BMPR2: variants seen among roughly 807,000 people sequenced by gnomAD.
BMPR2 encodes bone morphogenetic protein receptor type 2.
A neutral mutation model predicts 100.8 loss-of-function variants in BMPR2; 29 were observed. The observed-to-expected ratio is 0.29, with a 90% CI of 0.21 to 0.39. The LOEUF is 0.39. Among genes scored for constraint, BMPR2 ranks in the 10% least tolerant of loss-of-function variants. The probability of loss-of-function intolerance (pLI) is 1.00; values close to 1 mark genes in which losing one functional copy is unlikely to be tolerated. For synonymous variants in BMPR2, 382 were observed against 442.3 expected (o/e 0.86, Z 1.71); for missense variants, 1,011 against 1,274.5 (o/e 0.79, Z 3.15).
At chr2:202,418,943 C>T (rs930275737) in intron 1 of BMPR2, among the ~76,000 whole-genome samples, 1 of 152,152 alleles carries the variant, frequency 6.6e-6, no homozygotes, top group Non-Finnish European at 1.5e-5. Flanking sequence ...GGCAAATAAA[C>T]ATATTTGGGG....
intron 3 of BMPR2, among the ~76,000 whole-genome samples, chr2:202,474,184 G>T (rs1382509120): frequency 2.0e-5 from 3 of 150,066 alleles, no homozygotes; most frequent in African/African-American, 4.9e-5. Context: ...CGCCGGGCAC[G>T]GTGGCTCACA....
intron 6 of BMPR2, among the ~76,000 whole-genome samples, chr2:202,519,486 A>G (rs967179025): frequency 1.3e-5 from 2 of 152,276 alleles, no homozygotes; most frequent in African/African-American, 4.8e-5. Context: ...CTGCAATGAA[A>G]TAAGGATCTC....
In BMPR2 at chr2:202,437,866, A is replaced by G. The variant is rs981496223; in HGVS notation, c.77-26943A>G. Among the ~76,000 whole-genome samples the G allele has an allele frequency of 4.0e-5, 6 of 150,576 alleles. 1 individual carries two copies. Among genetic ancestry groups the G allele is most frequent in the African/African-American group, 1.0e-4 (4 of 39,948 alleles). On this transcript the variant is annotated intron_variant, in intron 1 of 12. Transcript: ENST00000374580. ...CTGCATTTCCTTTATCCTTTCATCA[A>G]TTGATGGACATGCGGTTGTTTCCAC...
intron 3 of BMPR2, among the ~76,000 whole-genome samples, chr2:202,496,857 C>T (rs953662881): frequency 6.6e-6 from 1 of 152,240 alleles, no homozygotes; most frequent in Non-Finnish European, 1.5e-5. Flanking sequence ...GAGCCACTTT[C>T]TGGGCTGGCC....
Position 202,556,386 on chromosome 2 carries a change from C to T in BMPR2, c.2721C>T (p.Ser907=), listed in dbSNP as rs756764327. Reference sequence around the variant, plus strand: ...GAACTAATTCCAATAACAACAACAGCAATCCATGTTCAGAACAAGATGTTC... The same window carrying T: ...GAACTAATTCCAATAACAACAACAGTAATCCATGTTCAGAACAAGATGTTC... ...GGRTNSNNNN[S]NPCSEQDVLA... is the part of the protein sequence containing the mutation. The change falls in exon 12 of 13, where the codon AGC becomes AGT. Residue 907 remains serine (S), a synonymous_variant. Transcript: ENST00000374580. The T allele has an allele frequency of 6.8e-6, 11 of 1,614,068 alleles. No individual in the cohort carries two copies. Among genetic ancestry groups the T allele is most frequent in the Non-Finnish European group, 2.5e-6 (3 of 1,180,060 alleles).
intron 5 of BMPR2, among the ~76,000 whole-genome samples, chr2:202,517,097 G>A (rs1030027846): frequency 2.6e-5 from 4 of 151,882 alleles, no homozygotes; most frequent in African/African-American, 9.7e-5. Context: ...GCACGCGCCT[G>A]TAATCCTAGC....
At chr2:202,399,209 G>A (rs761104104) in intron 1 of BMPR2, among the ~76,000 whole-genome samples, 4 of 152,140 alleles carry the variant, frequency 2.6e-5, no homozygotes, top group African/African-American at 9.7e-5. Context: ...ATGCCACAGG[G>A]CTATATTAGA....
Position 202,518,815 on chromosome 2 carries a change from C to T in BMPR2, c.622-7C>T. ...TTAATACCTTGCTTTCTTTAAAACA[C>T]TTGCAGCTGATTGGCCGAGGTCGAT... On this transcript the variant is annotated splice_polypyrimidine_tract_variant and splice_region_variant and intron_variant, in intron 5 of 12. Transcript: ENST00000374580. 1 of 1,611,764 alleles carries T rather than the reference C, an allele frequency of 6.2e-7. No individual in the cohort carries two copies. The highest frequency in any genetic ancestry group is 8.5e-7 in the Non-Finnish European group (1 of 1,177,864).
intron 1 of BMPR2, among the ~76,000 whole-genome samples, chr2:202,457,561 TAGAGAG>T (rs72489501): frequency 0.034 from 3,244 of 94,764 alleles, 59 homozygotes; most frequent in South Asian, 0.092. Context: ...TATATATATA[TAGAGAG>T]AGAGAGAGAG....
intron 3 of BMPR2, among the ~76,000 whole-genome samples, chr2:202,493,986 G>GA (rs1208753897): frequency 6.6e-5 from 10 of 152,082 alleles, no homozygotes; most frequent in South Asian, 2.1e-4. Flanking sequence ...CTACTTGTTT[G>GA]AAAAAACAAG....
chr2:202,462,401 A>G (rs892307450), intron 1 of BMPR2, among the ~76,000 whole-genome samples: 1 of 151,844 alleles, frequency 6.6e-6, no homozygotes, highest in African/African-American at 2.4e-5. Context: ...TTGTATTTCT[A>G]GTGGAGACGG....
Position 202,567,305 on chromosome 2 carries a change from G to A in BMPR2, c.*7359G>A, listed in dbSNP as rs890737282. 43 of 152,702 alleles carry A rather than the reference G, an allele frequency of 2.8e-4. No homozygotes were observed. The highest frequency in any genetic ancestry group is 9.9e-4 in the African/African-American group (41 of 41,558). The allele number at this position is 152,702 out of a possible 1,614,324, so 9.5% of individuals were successfully genotyped here. A position where few individuals can be genotyped will look rare whatever the true frequency, so the allele number is the denominator to read the frequency against. ...GAGGATGCTTTTCCGGAAAAAGAAA[G>A]GCTAGAAAATACTCGCACTTCCTCA... On this transcript the variant is annotated 3_prime_UTR_variant, in exon 13 of 13. Transcript: ENST00000374580.
intron 5 of BMPR2, among the ~76,000 whole-genome samples, chr2:202,517,819 T>TC (rs1687742205): frequency 1.3e-5 from 2 of 150,394 alleles, no homozygotes; most frequent in Admixed American, 6.6e-5. Context: ...CTTTTTTCTT[T>TC]TTTTTTTTTT....
chr2:202,462,818 T>A (rs1692249914), intron 1 of BMPR2, among the ~76,000 whole-genome samples: 1 of 151,930 alleles, frequency 6.6e-6, no homozygotes, highest in Admixed American at 6.6e-5. Flanking sequence ...GTTCATGTGA[T>A]TCTCTTGCCT....
chr2:202,506,421 C>G (rs1434138541), intron 3 of BMPR2, among the ~76,000 whole-genome samples: 1 of 152,142 alleles, frequency 6.6e-6, no homozygotes, highest in Non-Finnish European at 1.5e-5. Context: ...CCACCTTGGC[C>G]TCCACTTTAC....
chr2:202,439,168 A>T (rs1691679340), intron 1 of BMPR2, among the ~76,000 whole-genome samples: 1 of 149,904 alleles, frequency 6.7e-6, no homozygotes, highest in South Asian at 2.1e-4. Context: ...TCATTGTGTA[A>T]ATCTTGCACT....
At position 202,475,907 on chromosome 2, in the gene BMPR2, C is replaced by CT. The variant is rs533352850; in HGVS notation, c.418+8219dup. Reference sequence around the variant, plus strand: ...TCAACATGGAGAAACCCCGTCTCTACTAAAAAAAAATGCAAAATTAGCCGG... The same window carrying CT: ...TCAACATGGAGAAACCCCGTCTCTACTTAAAAAAAAATGCAAAATTAGCCGG... On this transcript the variant is annotated intron_variant, in intron 3 of 12. Coordinates refer to ENST00000374580, the MANE Select transcript of BMPR2 (RefSeq NM_001204.7). Among the ~76,000 whole-genome samples the CT allele has an allele frequency of 9.2e-4, 137 of 149,184 alleles. 1 individual carries two copies. Among genetic ancestry groups the CT allele is most frequent in the African/African-American group, 3.3e-3 (129 of 38,982 alleles).
intron 1 of BMPR2, among the ~76,000 whole-genome samples, chr2:202,406,034 G>A (rs187564541): frequency 1.0e-3 from 157 of 152,250 alleles, no homozygotes; most frequent in African/African-American, 3.3e-3. Flanking sequence ...TCAGTGGTTT[G>A]TATTTCACTT....
chr2:202,514,077 A>G (rs1204365765), intron 4 of BMPR2, among the ~76,000 whole-genome samples: 2 of 151,996 alleles, frequency 1.3e-5, no homozygotes, highest in Non-Finnish European at 2.9e-5. Context: ...TTAATTAGAT[A>G]TTATATATCT....
Sources: allele counts gnomAD v4.1 joint callset (sites outside exome capture counted in the v4.1 genomes callset), GRCh38; gene constraint gnomAD v4.1.1; transcripts MANE v1.5; gene names NCBI Gene and HGNC (gene_info 2026-07-23, HGNC 2026-07-21).